The following AP1S1 variants were observed in gnomAD, a reference collection of about 807,000 sequenced individuals.
The protein encoded by AP1S1 is adaptor related protein complex 1 subunit sigma 1.
Under a neutral mutation model 23.9 loss-of-function variants are expected in AP1S1, and 13 were observed. The ratio of observed to expected loss-of-function variants is 0.54; its 90% confidence interval spans 0.35 to 0.86. AP1S1 has a LOEUF of 0.86. Among genes scored for constraint, AP1S1 ranks in the 40% least tolerant of loss-of-function variants. The pLI is 0.01. For missense variants in AP1S1, 119 were observed against 197.6 expected, an observed-to-expected ratio of 0.60 and a Z score of 2.38; for synonymous variants, 84 against 77.7, an observed-to-expected ratio of 1.08 and a Z score of -0.43.
At position 101,160,551 on chromosome 7, in the gene AP1S1, G is replaced by A. The variant is rs754315297; in HGVS notation, c.462G>A (p.Glu154=). 1.2e-6 allele frequency: 2 copies of A among 1,612,110 alleles called. No homozygotes were observed. Among genetic ancestry groups the A allele is most frequent in the Middle Eastern group, 1.6e-4 (1 of 6,062 alleles). ...EDESPRSVLE[E]MGLA ...AGTCGCCACGGAGTGTGCTGGAGGA[G>A]ATGGGTTTGGCATAGCCCCTGCTGG... The change falls in exon 5 of 5, where the codon GAG becomes GAA. Residue 154 remains glutamate, a synonymous_variant. Coordinates refer to ENST00000337619, the MANE Select transcript of AP1S1 (RefSeq NM_001283.5).
intron 1 of AP1S1, chr7:101,155,042 G>A: frequency 3.0e-6 from 3 of 987,084 alleles, no homozygotes; most frequent in Non-Finnish European, 3.6e-6. Flanking sequence ...GGGAAGCGAA[G>A]TGGACTCGTG....
At chr7:101,154,903 T>G in intron 1 of AP1S1, 5 of 1,042,702 alleles carry the variant, frequency 4.8e-6, no homozygotes, top group Non-Finnish European at 3.5e-6. Flanking sequence ...GAGACCCCCT[T>G]CCCGGGCTGC....
intron 2 of AP1S1, among the ~76,000 whole-genome samples, chr7:101,157,127 T>C (rs1383738281): frequency 1.3e-5 from 2 of 152,120 alleles, no homozygotes; most frequent in Non-Finnish European, 2.9e-5. Flanking sequence ...AGCAGGTAAA[T>C]TACTTGGCTC....
intron 1 of AP1S1, among the ~76,000 whole-genome samples, chr7:101,155,709 G>A (rs796471875): frequency 3.0e-4 from 46 of 152,312 alleles, no homozygotes; most frequent in African/African-American, 1.1e-3. Flanking sequence ...AGGATGATAT[G>A]TTTGGGAGAT....
chr7:101,155,031 A>G, intron 1 of AP1S1: 1 of 988,176 alleles, frequency 1.0e-6, no homozygotes, highest in Non-Finnish European at 1.2e-6. Context: ...GGGCCCAGGT[A>G]GGGAAGCGAA....
rs927164651 is a variant in AP1S1 at position 101,154,533 on chromosome 7, A to C, written c.3+16A>C. ...CTGCAGGATGGTAGGCTGTGCGAAG[A>C]GGGAGGGGAGGGGGAAGCGAGGGGC... On this transcript the variant is annotated intron_variant, in intron 1 of 4. Coordinates refer to ENST00000337619, the MANE Select transcript of AP1S1 (RefSeq NM_001283.5). 2.0e-6 allele frequency: 3 copies of C among 1,478,916 alleles called. No homozygotes were observed. The African/African-American group carries it at 4.6e-5, about 23-fold the overall frequency. 91.6% of individuals were successfully genotyped at this position (1,478,916 alleles called of 1,614,324 possible). A position where few individuals can be genotyped will look rare whatever the true frequency, so the allele number is the denominator to read the frequency against.
Position 101,154,483 on chromosome 7 carries a change from G to A in AP1S1, c.-32G>A, listed in dbSNP as rs767698307. 2 of 1,570,702 alleles carry A rather than the reference G, an allele frequency of 1.3e-6. No individual in the cohort carries two copies. The highest frequency in any genetic ancestry group is 1.7e-6 in the Non-Finnish European group (2 of 1,158,730). Reference sequence around the variant, plus strand: ...AGTGGGACTGGCGCCTACGGTGGCCGAAGTGGGACGCGCCGAGCCGGAGGC... The same window carrying A: ...AGTGGGACTGGCGCCTACGGTGGCCAAAGTGGGACGCGCCGAGCCGGAGGC... On this transcript the variant is annotated 5_prime_UTR_variant, in exon 1 of 5. Coordinates refer to ENST00000337619, the MANE Select transcript of AP1S1 (RefSeq NM_001283.5).
Position 101,154,843 on chromosome 7 carries a change from G to T in AP1S1, c.3+326G>T, listed in dbSNP as rs571798959. The T allele has an allele frequency of 3.7e-4, 311 of 841,086 alleles. 3 individuals carry two copies. In the South Asian group the frequency reaches 7.3e-3, roughly 20 times the overall value. The allele number at this position is 841,086 out of a possible 1,614,324, so 52.1% of individuals were successfully genotyped here. ...TGCAGGGAAGCCGCCCGAAGCAGAG[G>T]GTTGCGGGAGTCTCTTTGCTGAGGG... is the stretch of plus-strand genomic sequence containing the variant. On this transcript the variant is annotated intron_variant, in intron 1 of 4. Transcript: ENST00000337619.
intron 1 of AP1S1, chr7:101,154,870 G>C (rs548204230): frequency 1.1e-6 from 1 of 929,200 alleles, no homozygotes; most frequent in African/African-American, 1.7e-5. Context: ...TGCTGAGGGA[G>C]GGAGCGGGGG....
intron 1 of AP1S1, chr7:101,154,927 G>A: frequency 9.3e-7 from 1 of 1,078,274 alleles, no homozygotes; most frequent in Non-Finnish European, 1.1e-6. Context: ...GGCGGGAGCG[G>A]GGACCCGGGT....
At chr7:101,159,229 A>G in intron 4 of AP1S1, 33 bp downstream of exon 4, 1 of 1,588,528 alleles carries the variant, frequency 6.3e-7, no homozygotes, top group South Asian at 1.1e-5. Context: ...AGGAGGAGGA[A>G]GCGCACAGTG....
At position 101,157,390 on chromosome 7, in the gene AP1S1, T is replaced by C; in HGVS notation, c.196T>C (p.Tyr66His). ...TCCTCTCCGCAGATATGCCAGCCTC[T>C]ACTTCTGCTGCGCCATCGAGGGCCA... ...KVVYKRYASL[Y>H]FCCAIEGQDN... is the part of the protein sequence containing the mutation. The change falls in exon 3 of 5, where the codon TAC becomes CAC. Residue 66 changes from tyrosine (Y) to histidine (H), a missense_variant. By Grantham distance (83) the Tyr-to-His change is moderately conservative. Coordinates refer to ENST00000337619, the MANE Select transcript of AP1S1 (RefSeq NM_001283.5). 1 of 1,575,266 alleles carries C rather than the reference T, an allele frequency of 6.3e-7. No homozygotes were observed.
intron 2 of AP1S1, 141 bp downstream of exon 2, chr7:101,156,913 T>A: frequency 1.3e-5 from 2 of 148,404 alleles, no homozygotes; most frequent in Non-Finnish European, 2.0e-5. Flanking sequence ...TCAGCTTCCT[T>A]TTTTTTTTTT....
At position 101,154,589 on chromosome 7, in the gene AP1S1, C is replaced by T. The variant is rs549801264; in HGVS notation, c.3+72C>T. The T allele has an allele frequency of 8.9e-5, 137 of 1,534,494 alleles. No individual in the cohort carries two copies. The South Asian group carries it at 1.4e-3, about 15-fold the overall frequency. ...CTGCACCTGCGGGGGTCCTCGGGGG[C>T]CGCCCTCGGGGTGAACCGCCCTGTC... On this transcript the variant is annotated intron_variant, in intron 1 of 4. Transcript: ENST00000337619.
At chr7:101,157,556 C>T (rs1797012994) in intron 3 of AP1S1, 71 bp downstream of exon 3, 3 of 1,193,800 alleles carry the variant, frequency 2.5e-6, no homozygotes, top group Non-Finnish European at 3.6e-6. Context: ...CTTTGAGGCC[C>T]CTCCAGTCTC....
intron 3 of AP1S1, among the ~76,000 whole-genome samples, chr7:101,158,315 G>A (rs1285157657): frequency 1.3e-5 from 2 of 152,154 alleles, no homozygotes; most frequent in Non-Finnish European, 2.9e-5. Context: ...CTAGCAGTAG[G>A]TGTTGGTATC....
chr7:101,156,460 T>A lies in AP1S1; in HGVS notation c.4-134T>A, dbSNP rs1464970313. The A allele has an allele frequency of 9.4e-6, 10 of 1,062,028 alleles. No individual in the cohort carries two copies. The East Asian group carries it at 2.1e-4, about 23-fold the overall frequency. The allele number at this position is 1,062,028 out of a possible 1,614,324, so 65.8% of individuals were successfully genotyped here. A position where few individuals can be genotyped will look rare whatever the true frequency, so the allele number is the denominator to read the frequency against. ...AGCTGACAGACTCAGAAGCTCTGAC[T>A]TCCCCCTGCTGGTGGAAACACCCAG... On this transcript the variant is annotated intron_variant, in intron 1 of 4. Coordinates refer to ENST00000337619, the MANE Select transcript of AP1S1 (RefSeq NM_001283.5).
chr7:101,159,351 C>T, intron 4 of AP1S1, 155 bp downstream of exon 4: 1 of 1,120,598 alleles, frequency 8.9e-7, no homozygotes, highest in Non-Finnish European at 1.2e-6. Context: ...CTCCAGCTTA[C>T]TCTCAAGCCC....
chr7:101,154,909 G>T, intron 1 of AP1S1: 3 of 1,081,018 alleles, frequency 2.8e-6, no homozygotes, highest in Non-Finnish European at 3.4e-6. Context: ...CCCTTCCCGG[G>T]CTGCACAGGC....
Sources: gnomAD v4.1 joint callset for allele counts (sites outside exome capture counted in the v4.1 genomes callset) on GRCh38, gnomAD v4.1.1 for gene constraint, MANE v1.5 for transcripts, NCBI Gene and HGNC (gene_info 2026-07-23, HGNC 2026-07-21) for gene names.